The following SENP7 variants were observed in gnomAD, a reference collection of about 807,000 sequenced individuals.
The protein encoded by SENP7 is sentrin-specific protease 7.
In SENP7, 64 loss-of-function variants were observed where a neutral mutation model predicts 141.2. That is an observed-to-expected ratio of 0.45 (90% CI 0.37 to 0.56). The LOEUF (loss-of-function observed/expected upper bound fraction) is 0.56, where lower values mean the gene tolerates loss of function less well. SENP7 is among the 20% of genes least tolerant of loss of function. The probability of loss-of-function intolerance (pLI) is 0.00; values close to 1 mark genes in which losing one functional copy is unlikely to be tolerated. For synonymous variants in SENP7, 382 were observed against 426.4 expected (o/e 0.90, Z 1.28); for missense variants, 1,025 against 1,212.2 (o/e 0.85, Z 2.29).
chr3:101,384,863 A>C (rs1280204526), intron 6 of SENP7, among the ~76,000 whole-genome samples: 2 of 152,194 alleles, frequency 1.3e-5, no homozygotes, highest in African/African-American at 4.8e-5. Flanking sequence ...TCTCCCCAGA[A>C]GCAGATGCTG....
intron 11 of SENP7, among the ~76,000 whole-genome samples, chr3:101,359,938 C>T (rs1297931272): frequency 6.6e-6 from 1 of 151,608 alleles, no homozygotes; most frequent in Non-Finnish European, 1.5e-5. Flanking sequence ...TAATAGAAAT[C>T]CCATTGTTTA....
At chr3:101,348,335 T>C (rs1030485502) in intron 12 of SENP7, among the ~76,000 whole-genome samples, 2 of 152,140 alleles carry the variant, frequency 1.3e-5, no homozygotes, top group African/African-American at 4.8e-5. Flanking sequence ...ATTTCAGTTA[T>C]AACCAGAGAG....
intron 1 of SENP7, among the ~76,000 whole-genome samples, chr3:101,502,184 T>A (rs1416236466): frequency 6.6e-6 from 1 of 152,238 alleles, no homozygotes; most frequent in Non-Finnish European, 1.5e-5. Context: ...GCATGATGAC[T>A]GGGTGTTCAC....
At chr3:101,452,233 G>A (rs1162865878) in intron 4 of SENP7, among the ~76,000 whole-genome samples, 3 of 152,132 alleles carry the variant, frequency 2.0e-5, no homozygotes, top group Non-Finnish European at 4.4e-5. Flanking sequence ...ACAAATGGAA[G>A]AACATTCCAT....
rs185254711 is a variant in SENP7, at chr3:101,330,614, G to A, written c.2699-228C>T. Among the ~76,000 whole-genome samples, 585 of 152,228 alleles carry A rather than the reference G, an allele frequency of 3.8e-3. 2 individuals carry two copies. Among genetic ancestry groups the A allele is most frequent in the Non-Finnish European group, 6.8e-3 (459 of 67,996 alleles). On this transcript the variant is annotated intron_variant, in intron 19 of 23. Transcript: ENST00000394095. ...CAGGTAAACCCCAGAGCCATGATTG[G>A]AAATACCAGTTAGCTAGGCAAATTC... is the stretch of plus-strand genomic sequence containing the variant.
At chr3:101,495,341 G>A (rs1419616113) in intron 2 of SENP7, among the ~76,000 whole-genome samples, 1 of 152,196 alleles carries the variant, frequency 6.6e-6, no homozygotes, top group Non-Finnish European at 1.5e-5. Context: ...AGACAGTGTG[G>A]TGATTCCTCA....
intron 3 of SENP7, among the ~76,000 whole-genome samples, chr3:101,483,349 T>C (rs1045319023): frequency 8.5e-5 from 13 of 152,188 alleles, no homozygotes; most frequent in African/African-American, 3.1e-4. Flanking sequence ...AAATACTACA[T>C]GTTCTCACTT....
chr3:101,488,569 C>T (rs375762906), intron 3 of SENP7, among the ~76,000 whole-genome samples: 2 of 152,182 alleles, frequency 1.3e-5, no homozygotes, highest in East Asian at 1.9e-4. Flanking sequence ...AGGCCAGGCG[C>T]GGTGGCTCAT....
intron 3 of SENP7, among the ~76,000 whole-genome samples, chr3:101,477,657 C>G (rs776112000): frequency 1.1e-4 from 17 of 152,048 alleles, no homozygotes; most frequent in Non-Finnish European, 2.1e-4. Context: ...TTGAGACCAA[C>G]CTGGTTAACA....
intron 20 of SENP7, 151 bp from the exon 21 acceptor site, chr3:101,328,840 C>A: frequency 1.6e-6 from 1 of 643,232 alleles, no homozygotes. Flanking sequence ...TCATTTTCCA[C>A]AAATTTATTA....
chr3:101,470,851 C>A (rs1241196975), intron 3 of SENP7, among the ~76,000 whole-genome samples: 1 of 152,142 alleles, frequency 6.6e-6, no homozygotes, highest in Non-Finnish European at 1.5e-5. Flanking sequence ...TTCTTATACA[C>A]CCTTAACAGA....
chr3:101,501,566 C>T (rs1278155975), intron 1 of SENP7, among the ~76,000 whole-genome samples: 2 of 125,824 alleles, frequency 1.6e-5, no homozygotes, highest in East Asian at 5.1e-4. Flanking sequence ...CATATCTAAG[C>T]ATGCTGGGCA....
In SENP7 at chr3:101,489,275, A is replaced by C. The variant is rs572032216; in HGVS notation, c.186+4598T>G. 5.3e-5 allele frequency among the ~76,000 whole-genome samples: 8 copies of C among 152,340 alleles called. No individual in the cohort carries two copies. In the South Asian group the frequency reaches 1.7e-3, roughly 32 times the overall value. The stretch of plus-strand genomic sequence containing the variant: ...ATACAGTCAAGTCTATACAACAACC[A>C]ACAACATAATGACAGGATCAAAATC... On this transcript the variant is annotated intron_variant, in intron 3 of 23. Transcript: ENST00000394095.
At chr3:101,454,681 G>A (rs1343043463) in intron 4 of SENP7, among the ~76,000 whole-genome samples, 1 of 152,134 alleles carries the variant, frequency 6.6e-6, no homozygotes, top group Non-Finnish European at 1.5e-5. Context: ...ATGAAATACT[G>A]ATATATGCTA....
At position 101,467,590 on chromosome 3, in the gene SENP7, C is replaced by A. The variant is rs189734969; in HGVS notation, c.187-8538G>T. ...GGGCCTGGAGTGGACCTCCAGCAAA[C>A]TCCAACAGACCTGCAGCTGAGGGAC... On this transcript the variant is annotated intron_variant, in intron 3 of 23. Coordinates refer to ENST00000394095, the MANE Select transcript of SENP7 (RefSeq NM_020654.5). 3.2e-4 allele frequency among the ~76,000 whole-genome samples: 49 copies of A among 152,322 alleles called. 1 individual carries two copies. In the East Asian group the frequency reaches 9.3e-3, roughly 29 times the overall value.
At chr3:101,438,400 G>T (rs1465580688) in intron 4 of SENP7, among the ~76,000 whole-genome samples, 2 of 152,166 alleles carry the variant, frequency 1.3e-5, no homozygotes, top group East Asian at 3.9e-4. Context: ...CAAACTGGTG[G>T]TCATAAGGGG....
At chr3:101,441,719 C>T (rs1183814151) in intron 4 of SENP7, among the ~76,000 whole-genome samples, 1 of 152,100 alleles carries the variant, frequency 6.6e-6, no homozygotes, top group Non-Finnish European at 1.5e-5. Flanking sequence ...CATGTTACCA[C>T]CAGGAATCCC....
intron 3 of SENP7, among the ~76,000 whole-genome samples, chr3:101,467,617 T>A (rs1474806103): frequency 6.6e-6 from 1 of 152,214 alleles, no homozygotes; most frequent in African/African-American, 2.4e-5. Flanking sequence ...CTGAGGGACC[T>A]GACTGTTAGA....
chr3:101,399,996 T>A (rs2061086767), intron 5 of SENP7, among the ~76,000 whole-genome samples: 1 of 152,236 alleles, frequency 6.6e-6, no homozygotes, highest in Non-Finnish European at 1.5e-5. Context: ...ATAAGCCTGA[T>A]ATCTTCTTAA....
Sources: gnomAD v4.1 joint callset for allele counts (sites outside exome capture counted in the v4.1 genomes callset) on GRCh38, gnomAD v4.1.1 for gene constraint, MANE v1.5 for transcripts, NCBI Gene and HGNC (gene_info 2026-07-23, HGNC 2026-07-21) for gene names.